The following ABCB4 variants were observed in gnomAD, a reference collection of about 807,000 sequenced individuals.
ABCB4 encodes ATP binding cassette subfamily B member 4.
ABCB4 carries 76 observed loss-of-function variants against 145.7 expected under a neutral mutation model. The observed-to-expected ratio is 0.52, with a 90% CI of 0.43 to 0.63. The LOEUF (loss-of-function observed/expected upper bound fraction) is 0.63, where lower values mean the gene tolerates loss of function less well. Among genes scored for constraint, ABCB4 ranks in the 30% least tolerant of loss-of-function variants. The probability of loss-of-function intolerance (pLI) is 0.00; values close to 1 mark genes in which losing one functional copy is unlikely to be tolerated. For missense variants in ABCB4, 1,234 were observed against 1,553.1 expected (o/e 0.79, Z 3.45); for synonymous variants, 517 against 566.8 (o/e 0.91, Z 1.25).
At chr7:87,427,524 C>G (rs1374739392) in intron 15 of ABCB4, among the ~76,000 whole-genome samples, 1 of 152,166 alleles carries the variant, frequency 6.6e-6, no homozygotes, top group Non-Finnish European at 1.5e-5. Context: ...TTCTAGTTCA[C>G]TGCCTAGTAA....
the ABCB4 span, among the ~76,000 whole-genome samples, chr7:87,374,535 C>T: frequency 0.013 from 1,933 of 152,060 alleles, 40 homozygotes; most frequent in African/African-American, 0.043. Flanking sequence ...GTAACCACAA[C>T]TGCAAAAGCT....
At chr7:87,374,148 A>G in the ABCB4 span, among the ~76,000 whole-genome samples, 2 of 152,230 alleles carry the variant, frequency 1.3e-5, no homozygotes, top group East Asian at 3.9e-4. Context: ...TATTTTTAAT[A>G]CAAATCTTTG....
At chr7:87,411,842 C>G in intron 23 of ABCB4, 51 bp downstream of exon 23, 1 of 1,576,958 alleles carries the variant, frequency 6.3e-7, no homozygotes, top group Non-Finnish European at 8.7e-7. Context: ...TTTGCATAAA[C>G]CTACTAAAAC....
intron 14 of ABCB4, among the ~76,000 whole-genome samples, chr7:87,433,761 C>T (rs1810414207): frequency 6.7e-6 from 1 of 150,224 alleles, no homozygotes; most frequent in Non-Finnish European, 1.5e-5. Context: ...TTAGGGACAC[C>T]AGCTATTATG....
chr7:87,374,432 G>A, the ABCB4 span, among the ~76,000 whole-genome samples: 7 of 151,960 alleles, frequency 4.6e-5, no homozygotes, highest in Admixed American at 1.3e-4. Flanking sequence ...GTCAAAACTC[G>A]TGCTTTGAGG....
At chr7:87,417,025 A>G (rs1012799753) in intron 21 of ABCB4, among the ~76,000 whole-genome samples, 1 of 152,258 alleles carries the variant, frequency 6.6e-6, no homozygotes, top group East Asian at 1.9e-4. Flanking sequence ...TTGTCCAAAC[A>G]GTAGCATTTG....
At chr7:87,462,730 T>A (rs768399013) in intron 4 of ABCB4, 28 bp downstream of exon 4, 1 of 1,611,004 alleles carries the variant, frequency 6.2e-7, no homozygotes, top group East Asian at 2.2e-5. Flanking sequence ...ATGCTATGGA[T>A]TTTTTTAAAA....
intron 23 of ABCB4, 70 bp downstream of exon 23, chr7:87,411,823 C>A (rs1808642720): frequency 6.7e-7 from 1 of 1,496,042 alleles, no homozygotes; most frequent in Non-Finnish European, 9.2e-7. Context: ...TTTTTTCCTA[C>A]TCTAAACTTT....
chr7:87,472,719 G>A (rs1334855392), intron 2 of ABCB4, 44 bp from the exon 3 acceptor site: 2 of 1,337,684 alleles, frequency 1.5e-6, no homozygotes, highest in Admixed American at 1.7e-5. Context: ...GTTACAAAAT[G>A]TTTTACAATC....
chr7:87,382,343 T>G, the ABCB4 span: 5 of 1,518,650 alleles, frequency 3.3e-6, no homozygotes, highest in Admixed American at 9.5e-5. Flanking sequence ...ATGCAGGTGA[T>G]AATTTGCTTC....
chr7:87,373,303 A>G, the ABCB4 span, among the ~76,000 whole-genome samples: 1 of 152,020 alleles, frequency 6.6e-6, no homozygotes, highest in African/African-American at 2.4e-5. Context: ...TTATTATTGA[A>G]TTGTAATCGT....
chr7:87,392,759 C>T, the ABCB4 span: 132 of 1,613,578 alleles, frequency 8.2e-5, no homozygotes, highest in Middle Eastern at 4.9e-4. Context: ...AGGTCTCTTA[C>T]TCATAGCAAA....
rs1584755320 is a variant in ABCB4, at chr7:87,447,352, T to C, written c.834-147A>G. On this transcript the variant is annotated intron_variant, in intron 8 of 27. Coordinates refer to ENST00000649586, the MANE Select transcript of ABCB4 (RefSeq NM_000443.4). ...TGGTGAGACCCAGATCTTTGGGAAT[T>C]GAACTAATTCAGGATCAGCCAGGCC... 7.9e-6 allele frequency: 6 copies of C among 755,480 alleles called. No homozygotes were observed. In the South Asian group the frequency reaches 8.8e-5, roughly 11 times the overall value. 46.8% of individuals were successfully genotyped at this position (755,480 alleles called of 1,614,324 possible).
At chr7:87,380,856 C>T in the ABCB4 span, among the ~76,000 whole-genome samples, 1 of 152,152 alleles carries the variant, frequency 6.6e-6, no homozygotes, top group African/African-American at 2.4e-5. Flanking sequence ...TTGTAAAGTA[C>T]CACACAGTTG....
At chr7:87,440,459 A>G in intron 12 of ABCB4, 57 bp from the exon 13 acceptor site, 2 of 1,452,068 alleles carry the variant, frequency 1.4e-6, no homozygotes, top group Non-Finnish European at 1.9e-6. Flanking sequence ...CTGAAGTATC[A>G]GGACCATTCA....
At chr7:87,397,358 A>AG (rs1807567827), downstream of ABCB4, among the ~76,000 whole-genome samples, 1 of 151,814 alleles carries the variant, frequency 6.6e-6, no homozygotes. Flanking sequence ...CTCAAAAAAA[A>AG]AAAAAGTATT....
At chr7:87,384,165 G>T in the ABCB4 span, among the ~76,000 whole-genome samples, 1,888 of 152,126 alleles carry the variant, frequency 0.012, 37 homozygotes, top group African/African-American at 0.042. Context: ...TGCATTTCCC[G>T]ATGATTAGTG....
intron 3 of ABCB4, among the ~76,000 whole-genome samples, chr7:87,464,358 A>G (rs1306151139): frequency 6.6e-6 from 1 of 152,218 alleles, no homozygotes; most frequent in African/African-American, 2.4e-5. Flanking sequence ...GAGCTTGGAT[A>G]AAACAATGGG....
intron 16 of ABCB4, 57 bp from the exon 17 acceptor site, chr7:87,424,109 G>C: frequency 6.2e-7 from 1 of 1,611,760 alleles, no homozygotes; most frequent in African/African-American, 1.3e-5. Flanking sequence ...ACCAGAGTCT[G>C]TAGACATAGA....
Sources: gnomAD v4.1 joint callset for allele counts (sites outside exome capture counted in the v4.1 genomes callset) on GRCh38, gnomAD v4.1.1 for gene constraint, MANE v1.5 for transcripts, NCBI Gene and HGNC (gene_info 2026-07-23, HGNC 2026-07-21) for gene names.